AEN: variants seen among roughly 807,000 people sequenced by gnomAD.
AEN encodes the protein apoptosis enhancing nuclease, also known as apoptosis-enhancing nuclease.
AEN carries 21 observed loss-of-function variants against 17.7 expected under a neutral mutation model. That is an observed-to-expected ratio of 1.19 (90% CI 0.84 to 1.71). AEN has a LOEUF of 1.71. Ranked by LOEUF, AEN falls within the 40% of genes most tolerant of loss-of-function variation. The pLI is 0.00. For synonymous variants in AEN, 190 were observed against 173.0 expected, an observed-to-expected ratio of 1.10 and a Z score of -0.77; for missense variants, 462 against 435.9, an observed-to-expected ratio of 1.06 and a Z score of -0.53.
At chr15:88,611,066 C>T in the AEN span, among the ~76,000 whole-genome samples, 1 of 152,196 alleles carries the variant, frequency 6.6e-6, no homozygotes, top group Non-Finnish European at 1.5e-5. Context: ...ACCCCAGCAC[C>T]ACCACTCTGA....
Position 88,630,963 on chromosome 15 carries a change from G to C in AEN, c.*669G>C. On this transcript the variant is annotated 3_prime_UTR_variant, in exon 4 of 4. Transcript: ENST00000332810. The surrounding 1 kb of genome is among the most constrained non-coding windows in gnomAD (Gnocchi z 5.1). ...CTACAGTGGAATAGCAGAGCCCACAGGCTTCTCGTGGGGAGTTGGCTCCTT... is the reference window on the plus strand; with the variant it reads ...CTACAGTGGAATAGCAGAGCCCACACGCTTCTCGTGGGGAGTTGGCTCCTT... 1 of 363,294 alleles carries C rather than the reference G, an allele frequency of 2.8e-6. No homozygotes were observed. Among genetic ancestry groups the C allele is most frequent in the Admixed American group, 3.1e-5 (1 of 32,410 alleles). The allele number at this position is 363,294 out of a possible 1,614,324, so 22.5% of individuals were successfully genotyped here. A position where few individuals can be genotyped will look rare whatever the true frequency, so the allele number is the denominator to read the frequency against.
chr15:88,605,261 C>G, the AEN span, among the ~76,000 whole-genome samples: 16 of 152,312 alleles, frequency 1.1e-4, no homozygotes, highest in African/African-American at 3.4e-4. The surrounding 1 kb of genome is among the most constrained non-coding windows in gnomAD (Gnocchi z 7.6). Flanking sequence ...TTGTTTCGCT[C>G]GGTCCCGCGC....
the AEN span, among the ~76,000 whole-genome samples, chr15:88,605,312 G>A: frequency 6.6e-6 from 1 of 152,164 alleles, no homozygotes; most frequent in African/African-American, 2.4e-5. This position sits in a 1 kb window ranked among gnomAD's most constrained non-coding sequence, Gnocchi z 7.6. Context: ...GCGGGAGCCG[G>A]CTCTCGCAAC....
the AEN span, among the ~76,000 whole-genome samples, chr15:88,610,261 T>C: frequency 1.3e-5 from 2 of 151,930 alleles, no homozygotes; most frequent in African/African-American, 4.8e-5. Context: ...AATTCAAGGT[T>C]GAAGGACTAA....
chr15:88,626,735 G>A lies in AEN; in HGVS notation c.526G>A (p.Val176Met). 4 of 1,609,352 alleles carry A rather than the reference G, an allele frequency of 2.5e-6. No homozygotes were observed. The highest frequency in any genetic ancestry group is 2.5e-6 in the Non-Finnish European group (3 of 1,179,870). ...CATGCGCAAGGCTGTCCCCTTCCAG[G>A]TGGCCCAGAAAGAGGTAAGGGCAGG... The part of the protein sequence containing the change: ...QHMRKAVPFQ[V>M]AQKEILKLLK... Residue 176 changes from valine to methionine, a missense_variant, in exon 2 of 4, where the codon GTG becomes ATG. By Grantham distance (21) the Val-to-Met change is conservative. Transcript: ENST00000332810.
At chr15:88,611,942 G>A in the AEN span, 4 of 494,736 alleles carry the variant, frequency 8.1e-6, no homozygotes, top group South Asian at 6.1e-5. Flanking sequence ...GCAGCGGGGT[G>A]CAGGAAATGG....
the AEN span, among the ~76,000 whole-genome samples, chr15:88,607,565 A>G: frequency 6.6e-6 from 1 of 152,212 alleles, no homozygotes; most frequent in East Asian, 1.9e-4. Flanking sequence ...AACAATAACA[A>G]CAACAAAAAG....
chr15:88,625,044 ACAT>A (rs1183275800), intron 1 of AEN, among the ~76,000 whole-genome samples: 1 of 152,198 alleles, frequency 6.6e-6, no homozygotes, highest in Non-Finnish European at 1.5e-5. Context: ...ACTCACATGA[ACAT>A]CAGACATTTC....
chr15:88,613,662 G>A, the AEN span, among the ~76,000 whole-genome samples: 18 of 152,058 alleles, frequency 1.2e-4, no homozygotes, highest in Non-Finnish European at 8.8e-5. Flanking sequence ...GGGGAGTCCT[G>A]GCTCTGAAGT....
upstream of AEN, among the ~76,000 whole-genome samples, chr15:88,618,289 TA>T (rs1245002056): frequency 6.6e-6 from 1 of 152,238 alleles, no homozygotes; most frequent in Non-Finnish European, 1.5e-5. Context: ...TATCCAAGCA[TA>T]ATATATTTTC....
chr15:88,613,599 G>C, the AEN span, among the ~76,000 whole-genome samples: 2 of 151,462 alleles, frequency 1.3e-5, no homozygotes, highest in African/African-American at 4.9e-5. Context: ...GGGGGGATGT[G>C]GGGTGCATTC....
chr15:88,615,053 G>T, the AEN span, among the ~76,000 whole-genome samples: 2 of 151,546 alleles, frequency 1.3e-5, no homozygotes, highest in South Asian at 4.2e-4. Flanking sequence ...TTTTAGTAGA[G>T]AAAGGGTTTC....
At position 88,629,328 on chromosome 15, in the gene AEN, A is replaced by G. The variant is rs1419100375; in HGVS notation, c.643A>G (p.Thr215Ala). 1 of 1,613,936 alleles carries G rather than the reference A, an allele frequency of 6.2e-7. No individual in the cohort carries two copies. Among genetic ancestry groups the G allele is most frequent in the Non-Finnish European group, 8.5e-7 (1 of 1,179,972 alleles). The change falls in exon 3 of 4, where the codon ACC becomes GCC. Residue 215 changes from threonine to alanine, a missense_variant. Thr to Ala is a moderately conservative substitution (Grantham distance 58). Coordinates refer to ENST00000332810, the MANE Select transcript of AEN (RefSeq NM_022767.4). ...VHPRSQTRDT[T>A]YVPNFLSEPG... is the part of the protein sequence containing the mutation. ...CCCTCGGAGCCAGACCCGGGATACGACCTATGTCCCAAACTTCCTCAGCGA... is the reference window on the plus strand; with the variant it reads ...CCCTCGGAGCCAGACCCGGGATACGGCCTATGTCCCAAACTTCCTCAGCGA...
At chr15:88,609,183 G>C in the AEN span, among the ~76,000 whole-genome samples, 1 of 152,196 alleles carries the variant, frequency 6.6e-6, no homozygotes, top group Non-Finnish European at 1.5e-5. Flanking sequence ...ATCTGTGCCA[G>C]AGTTCAGCGG....
chr15:88,625,248 G>C (rs6496513), intron 1 of AEN, among the ~76,000 whole-genome samples: 100,068 of 152,158 alleles, frequency 0.66, 36,093 homozygotes, highest in Non-Finnish European at 0.8. Flanking sequence ...GGCTGGACAC[G>C]GTGGCTCATA....
At chr15:88,608,174 C>A in the AEN span, 4 of 530,794 alleles carry the variant, frequency 7.5e-6, no homozygotes, top group Non-Finnish European at 1.6e-5. Context: ...TAAGAGGATG[C>A]CATTTATCCT....
At chr15:88,615,598 C>T in the AEN span, among the ~76,000 whole-genome samples, 1 of 152,148 alleles carries the variant, frequency 6.6e-6, no homozygotes, top group African/African-American at 2.4e-5. Flanking sequence ...GCTATTTCAT[C>T]AGCTTGTTAA....
At chr15:88,614,390 G>A in the AEN span, among the ~76,000 whole-genome samples, 1 of 151,978 alleles carries the variant, frequency 6.6e-6, no homozygotes, top group East Asian at 1.9e-4. Flanking sequence ...TTGTAGAGAC[G>A]GAGTCTCCCT....
the AEN span, among the ~76,000 whole-genome samples, chr15:88,605,926 C>T: frequency 3.3e-5 from 5 of 152,242 alleles, no homozygotes; most frequent in Admixed American, 2.6e-4. The surrounding 1 kb of genome is among the most constrained non-coding windows in gnomAD (Gnocchi z 7.6). Context: ...AGACCCCACG[C>T]GGAGGAGGTC....
Sources: gnomAD v4.1 joint callset for allele counts (sites outside exome capture counted in the v4.1 genomes callset) on GRCh38, gnomAD v4.1.1 for gene constraint, Gnocchi (gnomAD v3.1) non-coding constraint, MANE v1.5 for transcripts, NCBI Gene and HGNC (gene_info 2026-07-23, HGNC 2026-07-21) for gene names.